ILRUN: variants seen among roughly 807,000 people sequenced by gnomAD.
ILRUN encodes the protein protein ILRUN.
ILRUN carries 3 observed loss-of-function variants against 33.8 expected under a neutral mutation model. The observed-to-expected ratio is 0.09, with a 90% CI of 0.04 to 0.23. The LOEUF is 0.23. Ranked by LOEUF, ILRUN falls within the 10% of genes least tolerant of loss-of-function variation. The pLI is 1.00. For synonymous variants in ILRUN, 124 were observed against 138.9 expected, an observed-to-expected ratio of 0.89 and a Z score of 0.75; for missense variants, 210 against 375.1, an observed-to-expected ratio of 0.56 and a Z score of 3.64.
chr6:34,679,565 T>C (rs774139439), intron 1 of ILRUN, among the ~76,000 whole-genome samples: 21 of 152,300 alleles, frequency 1.4e-4, no homozygotes, highest in Non-Finnish European at 2.5e-4. Context: ...ATCTTTAAAG[T>C]GTTGAATTAT....
intron 1 of ILRUN, among the ~76,000 whole-genome samples, chr6:34,671,278 C>G (rs1763112307): frequency 2.0e-5 from 3 of 152,144 alleles, no homozygotes; most frequent in Admixed American, 2.0e-4. Context: ...CCCAGCTACT[C>G]AGGAGGCTGA....
intron 3 of ILRUN, among the ~76,000 whole-genome samples, chr6:34,636,718 T>TA (rs1762374300): frequency 6.6e-6 from 1 of 152,226 alleles, no homozygotes; most frequent in Non-Finnish European, 1.5e-5. Context: ...ATCATTATGT[T>TA]AAAAAATAAC....
intron 1 of ILRUN, among the ~76,000 whole-genome samples, chr6:34,672,315 G>A (rs185181604): frequency 2.8e-3 from 431 of 152,112 alleles, no homozygotes; most frequent in Non-Finnish European, 3.5e-3. Flanking sequence ...GGCTGGTCTC[G>A]AATTCCTGAC....
chr6:34,652,937 T>C (rs1264675730), intron 2 of ILRUN, among the ~76,000 whole-genome samples: 4 of 151,892 alleles, frequency 2.6e-5, no homozygotes, highest in Non-Finnish European at 5.9e-5. Context: ...GGGAGGATCG[T>C]GTGAGCCCAG....
intron 1 of ILRUN, among the ~76,000 whole-genome samples, chr6:34,692,598 G>A (rs1453275710): frequency 6.6e-6 from 1 of 151,990 alleles, no homozygotes. Context: ...ATGTGTATAT[G>A]TATTTACCTA....
chr6:34,634,393 A>C (rs1429551371), intron 3 of ILRUN, among the ~76,000 whole-genome samples: 1 of 152,170 alleles, frequency 6.6e-6, no homozygotes, highest in African/African-American at 2.4e-5. Context: ...AAATGAAGAA[A>C]GGTCTCAAAG....
intron 1 of ILRUN, among the ~76,000 whole-genome samples, chr6:34,681,722 A>G (rs1763361091): frequency 6.6e-6 from 1 of 152,142 alleles, no homozygotes; most frequent in African/African-American, 2.4e-5. Flanking sequence ...ACTACTAGAT[A>G]GTTTACTTAT....
chr6:34,611,987 G>A (rs1024713658), intron 3 of ILRUN, among the ~76,000 whole-genome samples: 1 of 152,168 alleles, frequency 6.6e-6, no homozygotes, highest in South Asian at 2.1e-4. Flanking sequence ...GCACCAACAG[G>A]AAGAATGGAC....
chr6:34,640,781 T>A (rs1224088795), intron 3 of ILRUN, among the ~76,000 whole-genome samples: 1 of 150,866 alleles, frequency 6.6e-6, no homozygotes, highest in Non-Finnish European at 1.5e-5. Context: ...AAGAAGACCA[T>A]CTAAAGATTA....
intron 4 of ILRUN, among the ~76,000 whole-genome samples, chr6:34,594,933 C>A (rs1291394007): frequency 6.6e-6 from 1 of 152,164 alleles, no homozygotes; most frequent in Non-Finnish European, 1.5e-5. Flanking sequence ...CACTATGTTG[C>A]CCAGGCTGGT....
chr6:34,675,283 A>G (rs1763204404), intron 1 of ILRUN, among the ~76,000 whole-genome samples: 1 of 152,152 alleles, frequency 6.6e-6, no homozygotes, highest in African/African-American at 2.4e-5. Context: ...TCCATCTCAA[A>G]AAAATAAAAA....
At chr6:34,633,599 C>A (rs1310861831) in intron 3 of ILRUN, among the ~76,000 whole-genome samples, 1 of 151,744 alleles carries the variant, frequency 6.6e-6, no homozygotes, top group Non-Finnish European at 1.5e-5. Context: ...GTCTGTAATC[C>A]CAGCACTTTG....
chr6:34,687,558 C>T (rs1023711868), intron 1 of ILRUN, among the ~76,000 whole-genome samples: 4 of 151,628 alleles, frequency 2.6e-5, no homozygotes, highest in Admixed American at 2.0e-4. Context: ...ATTAGCAGGG[C>T]GTGGTGGCAC....
intron 1 of ILRUN, among the ~76,000 whole-genome samples, chr6:34,655,333 TTC>T (rs1292994490): frequency 1.3e-5 from 2 of 152,150 alleles, no homozygotes; most frequent in Non-Finnish European, 2.9e-5. Flanking sequence ...GAAAATCATG[TTC>T]TCTTTTTTCC....
chr6:34,638,271 T>G (rs996060254), intron 3 of ILRUN, among the ~76,000 whole-genome samples: 2 of 152,176 alleles, frequency 1.3e-5, no homozygotes, highest in African/African-American at 4.8e-5. Context: ...GCAGTGCAAC[T>G]GACGGCAGGT....
At position 34,687,708 on chromosome 6, in the gene ILRUN, A is replaced by ATATAT. The variant is rs1470309318; in HGVS notation, c.158+8737_158+8738insATATA. 1.4e-4 allele frequency among the ~76,000 whole-genome samples: 20 copies of ATATAT among 143,322 alleles called. 1 individual carries two copies. Among genetic ancestry groups the ATATAT allele is most frequent in the African/African-American group, 5.0e-4 (19 of 37,764 alleles). 94.0% of individuals were successfully genotyped at this position (143,322 alleles called of 152,430 possible). On this transcript the variant is annotated intron_variant, in intron 1 of 4. Transcript: ENST00000374023. ...GCAAGACTCCATCTCCAAAAAAAAA[A>ATATAT]ATATATATATATATATATTTATAAA...
chr6:34,602,740 A>G (rs901466772), intron 4 of ILRUN, among the ~76,000 whole-genome samples: 1 of 152,234 alleles, frequency 6.6e-6, no homozygotes, highest in Admixed American at 6.5e-5. Flanking sequence ...AGCCAGATTT[A>G]TGAATCTTTG....
chr6:34,602,211 T>C (rs561421896), intron 4 of ILRUN, among the ~76,000 whole-genome samples: 1 of 152,018 alleles, frequency 6.6e-6, no homozygotes, highest in Non-Finnish European at 1.5e-5. Context: ...CCAGTGTAAA[T>C]CATTACTCCT....
At chr6:34,593,503 A>G (rs903464480) in intron 4 of ILRUN, among the ~76,000 whole-genome samples, 6 of 152,246 alleles carry the variant, frequency 3.9e-5, no homozygotes, top group Admixed American at 1.3e-4. Context: ...GTGCATTTTC[A>G]GATTTCCTTT....
Sources: allele counts gnomAD v4.1 joint callset (sites outside exome capture counted in the v4.1 genomes callset), GRCh38; gene constraint gnomAD v4.1.1; transcripts MANE v1.5; gene names NCBI Gene and HGNC (gene_info 2026-07-23, HGNC 2026-07-21).